Variants in STYXL2 observed in about 807,000 individuals in gnomAD.
The protein encoded by STYXL2 is serine/threonine/tyrosine-interacting-like protein 2.
A neutral mutation model predicts 52.4 loss-of-function variants in STYXL2; 44 were observed. The ratio of observed to expected loss-of-function variants is 0.84; its 90% CI spans 0.66 to 1.08. The LOEUF (loss-of-function observed/expected upper bound fraction) is 1.08, where lower values mean the gene tolerates loss of function less well. Ranked by LOEUF, STYXL2 falls within the 50% of genes least tolerant of loss-of-function variation. The pLI is 0.00. For missense variants in STYXL2, 1,604 were observed against 1,471.7 expected (o/e 1.09, Z -1.47); for synonymous variants, 604 against 586.9 (o/e 1.03, Z -0.42).
chr1:167,103,016 G>C lies in STYXL2; in HGVS notation c.110+8057G>C, dbSNP rs539793506. ...GAAGTCTGAAATCAAGCTGGTGACA[G>C]AGCCACACAGCCTCCAAAGACTCTA... On this transcript the variant is annotated intron_variant, in intron 2 of 5. Transcript: ENST00000361200. 2.0e-5 allele frequency among the ~76,000 whole-genome samples: 3 copies of C among 152,270 alleles called. No individual in the cohort carries two copies. The South Asian group carries it at 6.2e-4, about 32-fold the overall frequency.
rs141633322 is a variant in STYXL2 at position 167,100,482 on chromosome 1, A to G, written c.110+5523A>G. ...CAAAGGGGCAGGGGTGAAGGGAATC[A>G]CCGAAAGGGGAAACAGGACGCAGGG... On this transcript the variant is annotated intron_variant, in intron 2 of 5. Coordinates refer to ENST00000361200, the MANE Select transcript of STYXL2 (RefSeq NM_001080426.3). 2.7e-3 allele frequency among the ~76,000 whole-genome samples: 413 copies of G among 152,318 alleles called. 1 individual carries two copies. Among genetic ancestry groups the G allele is most frequent in the African/African-American group, 9.0e-3 (376 of 41,574 alleles).
In STYXL2 at chr1:167,117,498, C is replaced by T. The variant is rs761973363; in HGVS notation, c.376C>T (p.Arg126Cys). Residue 126 changes from arginine (R) to cysteine (C), a missense_variant, in exon 4 of 6, where the codon CGC becomes TGC. Physicochemically the swap from Arg to Cys is radical, Grantham distance 180. Transcript: ENST00000361200. Reference protein sequence around the residue: ...LDLQRALVQDRQEAPWNEVDE... With the variant: ...LDLQRALVQDCQEAPWNEVDE... ...CCTACAGCGGGCCCTGGTTCAGGAT[C>T]GCCAAGAGGCGCCCTGGAATGAGGT... is the stretch of plus-strand genomic sequence containing the variant. 25 of 1,611,020 alleles carry T rather than the reference C, an allele frequency of 1.6e-5. No homozygotes were observed. The highest frequency in any genetic ancestry group is 2.2e-5 in the South Asian group (2 of 90,182).
chr1:167,097,953 C>T (rs954637683), intron 2 of STYXL2, among the ~76,000 whole-genome samples: 3 of 150,986 alleles, frequency 2.0e-5, no homozygotes, highest in African/African-American at 4.9e-5. Flanking sequence ...GCTTGAGGCC[C>T]CGAGTTTCAG....
At position 167,125,847 on chromosome 1, in the gene STYXL2, ACCTGATGATCTT is replaced by A; in HGVS notation, c.719_730del (p.Leu240_Phe243del). ...CGGTCAGCAGTGCTGGTGGTCGCCT[ACCTGATGATCTT>A]CCACAACATGGCCATCCTGGAGGCT... On this transcript the variant is annotated inframe_deletion, in exon 6 of 6. Coordinates refer to ENST00000361200, the MANE Select transcript of STYXL2 (RefSeq NM_001080426.3). 1 of 1,613,784 alleles carries A rather than the reference ACCTGATGATCTT, an allele frequency of 6.2e-7. No individual in the cohort carries two copies. The highest frequency in any genetic ancestry group is 8.5e-7 in the Non-Finnish European group (1 of 1,179,874).
Position 167,126,698 on chromosome 1 carries a change from G to A in STYXL2, c.1567G>A (p.Val523Met), listed in dbSNP as rs960856072. 1.4e-5 allele frequency: 22 copies of A among 1,614,070 alleles called. No homozygotes were observed. The highest frequency in any genetic ancestry group is 1.6e-5 in the Non-Finnish European group (19 of 1,180,036). Reference sequence around the variant, plus strand: ...GGTGCGGGAGGATGATGAGGACAGCGTGGGCTCTGAGGCCAGTTCCTTCTA... The same window carrying A: ...GGTGCGGGAGGATGATGAGGACAGCATGGGCTCTGAGGCCAGTTCCTTCTA... The part of the protein sequence containing the change: ...SRVREDDEDS[V>M]GSEASSFYNF... The change falls in exon 6 of 6, where the codon GTG becomes ATG. Residue 523 changes from valine (V) to methionine (M), a missense_variant. Physicochemically the swap from Val to Met is conservative, Grantham distance 21. Transcript: ENST00000361200.
intron 4 of STYXL2, 61 bp from the exon 5 acceptor site, chr1:167,119,188 C>T: frequency 6.6e-7 from 1 of 1,523,322 alleles, no homozygotes; most frequent in Non-Finnish European, 9.0e-7. Context: ...CTCACCGTCA[C>T]AGTGGTGACA....
At chr1:167,095,586 T>C (rs1474902864) in intron 2 of STYXL2, among the ~76,000 whole-genome samples, 2 of 152,108 alleles carry the variant, frequency 1.3e-5, no homozygotes, top group Non-Finnish European at 2.9e-5. Context: ...TCATGTAGAA[T>C]GAAAAAAATG....
chr1:167,118,804 T>C (rs1288465256), intron 4 of STYXL2, among the ~76,000 whole-genome samples: 2 of 152,266 alleles, frequency 1.3e-5, no homozygotes, highest in Admixed American at 1.3e-4. Flanking sequence ...TCCTGTCTAC[T>C]TCTTAAGTTT....
In STYXL2 at chr1:167,127,509, C is replaced by A. The variant is rs766334312; in HGVS notation, c.2378C>A (p.Ser793Tyr). 4.3e-6 allele frequency: 7 copies of A among 1,614,136 alleles called. No individual in the cohort carries two copies. In the South Asian group the frequency reaches 7.7e-5, roughly 18 times the overall value. ...LLPQSQARPS[S>Y]DMQSVLSCNT... ...CCTCAGAGCCAGGCAAGACCCAGCT[C>A]TGACATGCAGTCTGTGCTGTCCTGC... The change falls in exon 6 of 6, where the codon TCT becomes TAT. Residue 793 changes from serine to tyrosine, a missense_variant. By Grantham distance (144) the Ser-to-Tyr change is moderately radical. Coordinates refer to ENST00000361200, the MANE Select transcript of STYXL2 (RefSeq NM_001080426.3).
intron 3 of STYXL2, among the ~76,000 whole-genome samples, chr1:167,115,941 C>T (rs1316826025): frequency 6.6e-6 from 1 of 152,098 alleles, no homozygotes; most frequent in Non-Finnish European, 1.5e-5. Context: ...AGTCCATGAG[C>T]AACAAGCCCT....
chr1:167,107,193 G>T (rs1456618289), intron 2 of STYXL2, among the ~76,000 whole-genome samples: 1 of 152,052 alleles, frequency 6.6e-6, no homozygotes. Flanking sequence ...TTCTTATATG[G>T]CAGCTCAGGA....
At chr1:167,118,916 ACTTTTGTGC>A (rs1667788996) in intron 4 of STYXL2, among the ~76,000 whole-genome samples, 1 of 152,182 alleles carries the variant, frequency 6.6e-6, no homozygotes, top group African/African-American at 2.4e-5. Context: ...TGTGCCTACC[ACTTTTGTGC>A]CTTGATGAAT....
intron 2 of STYXL2, among the ~76,000 whole-genome samples, chr1:167,100,130 G>A (rs902252274): frequency 5.3e-5 from 8 of 152,252 alleles, no homozygotes; most frequent in African/African-American, 1.9e-4. Context: ...GCATGTGAAA[G>A]AGGAGAGCAG....
At chr1:167,122,910 A>C (rs1030045489) in intron 5 of STYXL2, among the ~76,000 whole-genome samples, 2 of 152,098 alleles carry the variant, frequency 1.3e-5, no homozygotes, top group African/African-American at 2.4e-5. Context: ...CAAGTGATCC[A>C]CCACCTCGGC....
At chr1:167,114,076 G>C (rs1229512214) in intron 3 of STYXL2, among the ~76,000 whole-genome samples, 1 of 152,094 alleles carries the variant, frequency 6.6e-6, no homozygotes, top group Admixed American at 6.5e-5. Flanking sequence ...GTTACCTCAG[G>C]GGTCCTGAGG....
At position 167,119,473 on chromosome 1, in the gene STYXL2, G is replaced by A. The variant is rs760990151; in HGVS notation, c.655+7G>A. The A allele has an allele frequency of 3.0e-5, 49 of 1,612,312 alleles. No homozygotes were observed. The South Asian group carries it at 5.2e-4, about 17-fold the overall frequency. ...GCGCTGCTGACTTACAGAGGTGAGA[G>A]GGATCTGCCGCTCCAGGCTGCTGGA... On this transcript the variant is annotated splice_region_variant and intron_variant, in intron 5 of 5. Coordinates refer to ENST00000361200, the MANE Select transcript of STYXL2 (RefSeq NM_001080426.3).
At chr1:167,123,224 A>T (rs778951589) in intron 5 of STYXL2, among the ~76,000 whole-genome samples, 15 of 152,294 alleles carry the variant, frequency 9.8e-5, no homozygotes, top group Non-Finnish European at 1.6e-4. Context: ...GCTGCTTTGG[A>T]TGAAGTGGGT....
chr1:167,126,527 C>T lies in STYXL2; in HGVS notation c.1396C>T (p.Arg466Cys), dbSNP rs375239703. Reference sequence around the variant, plus strand: ...GAACCGCCCGGACCACGGCAGGAGGCGCCGCGCAGACTCGATGTCCTCGGA... The same window carrying T: ...GAACCGCCCGGACCACGGCAGGAGGTGCCGCGCAGACTCGATGTCCTCGGA... The part of the protein sequence containing the change: ...ELNRPDHGRR[R>C]RADSMSSEST... The change falls in exon 6 of 6, where the codon CGC becomes TGC. Residue 466 changes from arginine to cysteine, a missense_variant. Physicochemically the swap from Arg to Cys is radical, Grantham distance 180. Coordinates refer to ENST00000361200, the MANE Select transcript of STYXL2 (RefSeq NM_001080426.3). 4.3e-6 allele frequency: 7 copies of T among 1,613,064 alleles called. No individual in the cohort carries two copies. The highest frequency in any genetic ancestry group is 1.7e-4 in the Middle Eastern group (1 of 6,028).
At chr1:167,101,879 A>C (rs1171729338) in intron 2 of STYXL2, among the ~76,000 whole-genome samples, 2 of 152,212 alleles carry the variant, frequency 1.3e-5, no homozygotes, top group Non-Finnish European at 2.9e-5. Context: ...GTAATAGCCA[A>C]AAACCTAAAA....
Sources: gnomAD v4.1 joint callset for allele counts (sites outside exome capture counted in the v4.1 genomes callset) on GRCh38, gnomAD v4.1.1 for gene constraint, MANE v1.5 for transcripts, NCBI Gene and HGNC (gene_info 2026-07-23, HGNC 2026-07-21) for gene names.